Variants in AGBL1 observed in about 807,000 individuals in gnomAD.
AGBL1 encodes AGBL carboxypeptidase 1.
In AGBL1, 130 loss-of-function variants were observed where a neutral mutation model predicts 118.9. That is an observed-to-expected ratio of 1.09 (90% CI 0.95 to 1.26). The LOEUF (loss-of-function observed/expected upper bound fraction) is 1.26. Among genes scored for constraint, AGBL1 ranks in the 50% most tolerant of loss-of-function variants. The pLI, the probability that AGBL1 is intolerant of heterozygous loss-of-function variation, is 0.00. For synonymous variants in AGBL1, 555 were observed against 478.9 expected, an observed-to-expected ratio of 1.16 and a Z score of -2.08; for missense variants, 1,584 against 1,298.1, an observed-to-expected ratio of 1.22 and a Z score of -3.38.
intron 17 of AGBL1, among the ~76,000 whole-genome samples, chr15:86,305,296 T>C (rs747236874): frequency 4.6e-4 from 70 of 152,266 alleles, no homozygotes; most frequent in Non-Finnish European, 8.4e-4. Flanking sequence ...GATATTTACA[T>C]GTGTAGAGAA....
At chr15:86,194,699 A>G (rs1222625541) in intron 5 of AGBL1, among the ~76,000 whole-genome samples, 2 of 152,214 alleles carry the variant, frequency 1.3e-5, no homozygotes, top group Non-Finnish European at 1.5e-5. Context: ...TTGGGTAGTT[A>G]GTATAAGAGG....
At chr15:86,463,721 G>A (rs866009712) in intron 18 of AGBL1, among the ~76,000 whole-genome samples, 3 of 152,164 alleles carry the variant, frequency 2.0e-5, no homozygotes, top group Middle Eastern at 3.4e-3. Context: ...GCTTGTTTTT[G>A]TCGGATTTGT....
intron 7 of AGBL1, among the ~76,000 whole-genome samples, chr15:86,248,143 C>T (rs147322863): frequency 1.0e-3 from 152 of 152,154 alleles, no homozygotes; most frequent in African/African-American, 3.6e-3. Flanking sequence ...ATGGTGAAAC[C>T]CCGTGTTTAT....
intron 22 of AGBL1, among the ~76,000 whole-genome samples, chr15:86,822,407 A>G (rs56800025): frequency 0.11 from 16,191 of 152,218 alleles, 965 homozygotes; most frequent in South Asian, 0.17. Flanking sequence ...CCAGGCTAAG[A>G]CAATGGCACC....
At chr15:86,760,569 C>A (rs2141270710) in intron 22 of AGBL1, among the ~76,000 whole-genome samples, 1 of 152,118 alleles carries the variant, frequency 6.6e-6, no homozygotes, top group South Asian at 2.1e-4. Flanking sequence ...TGTAAATGGA[C>A]CTATGTAAAA....
chr15:86,858,916 A>G (rs2079523117), intron 22 of AGBL1, among the ~76,000 whole-genome samples: 1 of 152,124 alleles, frequency 6.6e-6, no homozygotes, highest in South Asian at 2.1e-4. Context: ...AAACAACTCT[A>G]AAAGTTAAAT....
chr15:86,478,419 A>T (rs1596166776), intron 18 of AGBL1, among the ~76,000 whole-genome samples: 1 of 152,132 alleles, frequency 6.6e-6, no homozygotes, highest in Non-Finnish European at 1.5e-5. Context: ...AAAATCACAA[A>T]CATTCTTATA....
chr15:86,326,180 CT>C (rs879314310), intron 17 of AGBL1, among the ~76,000 whole-genome samples: 8 of 148,642 alleles, frequency 5.4e-5, no homozygotes, highest in East Asian at 2.0e-4. Flanking sequence ...TTACAGTGAG[CT>C]TTTTTTTTTC....
chr15:86,212,554 G>C (rs1402104945), intron 5 of AGBL1, among the ~76,000 whole-genome samples: 1 of 152,228 alleles, frequency 6.6e-6, no homozygotes, highest in Non-Finnish European at 1.5e-5. Flanking sequence ...ATTTCAGGTA[G>C]TTCAGCATGC....
chr15:87,008,749 G>C (rs543110628), intron 24 of AGBL1, among the ~76,000 whole-genome samples: 1 of 152,192 alleles, frequency 6.6e-6, no homozygotes, highest in Admixed American at 6.5e-5. Context: ...CAGATGGAGA[G>C]GAGGAACTTG....
chr15:86,315,184 C>A (rs2079983097), intron 17 of AGBL1, among the ~76,000 whole-genome samples: 1 of 152,178 alleles, frequency 6.6e-6, no homozygotes, highest in Admixed American at 6.5e-5. Flanking sequence ...ACCCGAAAGC[C>A]TTTCTAATGG....
intron 18 of AGBL1, among the ~76,000 whole-genome samples, chr15:86,498,839 A>G (rs2082884655): frequency 6.6e-6 from 1 of 151,964 alleles, no homozygotes; most frequent in South Asian, 2.1e-4. Flanking sequence ...GGTTTTAAAA[A>G]GTATGGATCA....
downstream of AGBL1, among the ~76,000 whole-genome samples, chr15:86,920,686 G>A (rs377737415): frequency 8.5e-5 from 13 of 152,232 alleles, no homozygotes; most frequent in African/African-American, 2.6e-4. Flanking sequence ...TATAACATAG[G>A]TATATTCATC....
chr15:86,697,179 C>A (rs1302580508), intron 22 of AGBL1, among the ~76,000 whole-genome samples: 1 of 151,882 alleles, frequency 6.6e-6, no homozygotes, highest in African/African-American at 2.4e-5. Context: ...TCAATTATTT[C>A]CCCTAAATAT....
intron 22 of AGBL1, among the ~76,000 whole-genome samples, chr15:86,899,981 T>C (rs945964996): frequency 2.0e-5 from 3 of 152,198 alleles, no homozygotes; most frequent in Admixed American, 2.0e-4. Context: ...CAGAAGAACA[T>C]GGAAGGACTA....
At chr15:86,785,360 C>CTTTTTTTTTTTTTTT (rs891818403) in intron 22 of AGBL1, among the ~76,000 whole-genome samples, 18 of 98,900 alleles carry the variant, frequency 1.8e-4, no homozygotes, top group Middle Eastern at 6.4e-3. Context: ...TCTGCGGGTT[C>CTTTTTTTTTTTTTTT]TTTTTTTTTT....
chr15:86,382,026 C>T (rs950685786), intron 17 of AGBL1, among the ~76,000 whole-genome samples: 15 of 152,282 alleles, frequency 9.9e-5, no homozygotes, highest in Admixed American at 2.0e-4. Context: ...TAGTAACGCT[C>T]TGGGTGCCAG....
intron 21 of AGBL1, among the ~76,000 whole-genome samples, chr15:86,571,704 A>T (rs1359680880): frequency 6.6e-6 from 1 of 152,024 alleles, no homozygotes; most frequent in Non-Finnish European, 1.5e-5. Context: ...TGGGGTGTTT[A>T]TTGGCCTCAG....
intron 17 of AGBL1, among the ~76,000 whole-genome samples, chr15:86,393,359 C>T (rs1276291551): frequency 6.6e-6 from 1 of 152,290 alleles, no homozygotes; most frequent in South Asian, 2.1e-4. Context: ...TTGTTAGTGT[C>T]AAAAATTTAC....
Sources: allele counts gnomAD v4.1 joint callset (sites outside exome capture counted in the v4.1 genomes callset), GRCh38; gene constraint gnomAD v4.1.1; transcripts MANE v1.5; gene names NCBI Gene and HGNC (gene_info 2026-07-23, HGNC 2026-07-21).